The following DDHD1 variants were observed in gnomAD, a reference collection of about 807,000 sequenced individuals.
DDHD1 encodes DDHD domain containing 1.
A neutral mutation model predicts 96.4 loss-of-function variants in DDHD1; 49 were observed. The ratio of observed to expected loss-of-function variants is 0.51; its 90% confidence interval spans 0.40 to 0.64. The LOEUF (loss-of-function observed/expected upper bound fraction) is 0.64. Ranked by LOEUF, DDHD1 falls within the 30% of genes least tolerant of loss-of-function variation. The pLI, the probability that DDHD1 is intolerant of heterozygous loss-of-function variation, is 0.00. For synonymous variants in DDHD1, 442 were observed against 446.5 expected (o/e 0.99, Z 0.13); for missense variants, 1,106 against 1,161.2 (o/e 0.95, Z 0.69).
intron 1 of DDHD1, chr14:53,149,883 G>A (rs1221140024): frequency 2.0e-5 from 3 of 152,012 alleles, no homozygotes; most frequent in Non-Finnish European, 4.4e-5. Context: ...CTCAACTTTT[G>A]CATTGTCATT....
intron 2 of DDHD1, chr14:53,103,072 G>C: frequency 6.4e-7 from 1 of 1,560,804 alleles, no homozygotes; most frequent in South Asian, 1.2e-5. Flanking sequence ...TGGAACAATA[G>C]AAGTATTTTT....
intron 2 of DDHD1, among the ~76,000 whole-genome samples, chr14:53,102,460 G>C (rs1053266824): frequency 6.6e-6 from 1 of 152,120 alleles, no homozygotes; most frequent in South Asian, 2.1e-4. Flanking sequence ...AGAATTTCCA[G>C]AGTATGGTAT....
intron 6 of DDHD1, among the ~76,000 whole-genome samples, chr14:53,068,470 A>G (rs1238735058): frequency 6.6e-6 from 1 of 152,038 alleles, no homozygotes; most frequent in Non-Finnish European, 1.5e-5. Flanking sequence ...AGGCTGGTCT[A>G]GAACTCCATG....
At chr14:53,110,844 A>C (rs1361877062) in intron 1 of DDHD1, among the ~76,000 whole-genome samples, 2 of 152,124 alleles carry the variant, frequency 1.3e-5, no homozygotes, top group Non-Finnish European at 2.9e-5. Flanking sequence ...GCTTGGTGGT[A>C]ACACGCCTGT....
At chr14:53,047,012 T>A in intron 12 of DDHD1, 63 bp from the exon 13 acceptor site, 16 of 1,293,828 alleles carry the variant, frequency 1.2e-5, no homozygotes, top group Non-Finnish European at 1.6e-5. Flanking sequence ...CTATATAGAC[T>A]TACTGGAGTT....
intron 2 of DDHD1, among the ~76,000 whole-genome samples, chr14:53,102,720 A>AGAG (rs1053399326): frequency 1.3e-5 from 2 of 152,076 alleles, no homozygotes; most frequent in African/African-American, 4.8e-5. Context: ...AAGAAGAAGA[A>AGAG]AAAAATCCCC....
intron 2 of DDHD1, 130 bp from the exon 3 acceptor site, chr14:53,093,574 A>C: frequency 2.5e-6 from 3 of 1,202,730 alleles, no homozygotes; most frequent in African/African-American, 1.6e-5. Flanking sequence ...TAATTCAATA[A>C]AACACTATTT....
rs1420728386 is a variant in DDHD1, at chr14:53,072,695, C to T, written c.1405G>A (p.Asp469Asn). 6.2e-7 allele frequency: 1 copy of T among 1,603,978 alleles called. No individual in the cohort carries two copies. The highest frequency in any genetic ancestry group is 8.5e-7 in the Non-Finnish European group (1 of 1,174,150). ...SKLTLDGDTV[D>N]SITPDKVRGL... ...CGTACTTTGTCAGGAGTAATGGAATCAACAGTGTCTACAAAAACAAACAAA... is the reference window on the plus strand; with the variant it reads ...CGTACTTTGTCAGGAGTAATGGAATTAACAGTGTCTACAAAAACAAACAAA... The change falls in exon 6 of 13, where the codon GAT (aspartate) becomes AAT (asparagine). Residue 469 changes from aspartate to asparagine, a missense_variant. Asp to Asn is a conservative substitution (Grantham distance 23). This residue lies in a region of DDHD1 where 650 missense variants were observed against 758.8 expected (regional missense o/e 0.86). Transcript: ENST00000673822.
intron 1 of DDHD1, among the ~76,000 whole-genome samples, chr14:53,146,726 A>G (rs1891008510): frequency 6.6e-6 from 1 of 152,122 alleles, no homozygotes; most frequent in Admixed American, 6.5e-5. Context: ...TCTTCCTAGT[A>G]ATCTACTCAA....
rs1228410776 is a variant in DDHD1 at position 53,039,830 on chromosome 14, T to G, written c.*6938A>C. 3 of 152,198 alleles carry G rather than the reference T, an allele frequency of 2.0e-5. No individual in the cohort carries two copies. Among genetic ancestry groups the G allele is most frequent in the Non-Finnish European group, 4.4e-5 (3 of 68,050 alleles). The allele number at this position is 152,198 out of a possible 1,614,324, so 9.4% of individuals were successfully genotyped here. Reference sequence around the variant, plus strand: ...GACCTATGTGTCCCTATCCCCTTTCTCATAAACAATGCCTCTGAAATGTCT... The same window carrying G: ...GACCTATGTGTCCCTATCCCCTTTCGCATAAACAATGCCTCTGAAATGTCT... On this transcript the variant is annotated 3_prime_UTR_variant, in exon 13 of 13. Transcript: ENST00000673822.
chr14:53,121,868 A>C (rs1288968041), intron 1 of DDHD1, among the ~76,000 whole-genome samples: 1 of 151,642 alleles, frequency 6.6e-6, no homozygotes, highest in Non-Finnish European at 1.5e-5. Flanking sequence ...CCACCATGGC[A>C]CATATACACC....
In DDHD1 at chr14:53,044,453, TTAAGAATAAATCC is replaced by T. The variant is rs1881872878; in HGVS notation, c.*2302_*2314del. 6.6e-6 allele frequency: 1 copy of T among 152,196 alleles called. No homozygotes were observed. The highest frequency in any genetic ancestry group is 2.1e-4 in the South Asian group (1 of 4,826). 9.4% of individuals were successfully genotyped at this position (152,196 alleles called of 1,614,324 possible). ...AAAAGGGCTCTTCATATTCTAGTGG[TTAAGAATAAATCC>T]CTTCAAGTTCTTATGCATTTGAGTG... On this transcript the variant is annotated 3_prime_UTR_variant, in exon 13 of 13. Transcript: ENST00000673822.
intron 1 of DDHD1, among the ~76,000 whole-genome samples, chr14:53,130,528 A>G (rs572700572): frequency 6.6e-6 from 1 of 152,332 alleles, no homozygotes; most frequent in South Asian, 2.1e-4. Flanking sequence ...TTCAAAGTGT[A>G]CAATAATAGA....
intron 1 of DDHD1, among the ~76,000 whole-genome samples, chr14:53,151,875 C>T (rs140567928): frequency 6.0e-4 from 92 of 152,304 alleles, no homozygotes; most frequent in African/African-American, 2.1e-3. Context: ...GAAGACGTGC[C>T]GCTATTTAAA....
At chr14:53,099,906 A>G (rs972981182) in intron 2 of DDHD1, among the ~76,000 whole-genome samples, 1 of 152,186 alleles carries the variant, frequency 6.6e-6, no homozygotes, top group African/African-American at 2.4e-5. Flanking sequence ...TGTATGCTAC[A>G]AAGAGTTACA....
intron 2 of DDHD1, among the ~76,000 whole-genome samples, chr14:53,102,418 T>A (rs1187118424): frequency 6.6e-6 from 1 of 152,064 alleles, no homozygotes; most frequent in African/African-American, 2.4e-5. Context: ...AATAAGGACA[T>A]ATTTGATTCT....
chr14:53,053,863 C>T (rs1419802540), intron 11 of DDHD1: 1 of 151,926 alleles, frequency 6.6e-6, no homozygotes. Flanking sequence ...TTTCTAAGTC[C>T]ACCGGAGAAA....
At chr14:53,059,402 G>A (rs749105657) in intron 8 of DDHD1, among the ~76,000 whole-genome samples, 6 of 151,204 alleles carry the variant, frequency 4.0e-5, no homozygotes, top group East Asian at 2.0e-4. Context: ...CCGCCACCAC[G>A]CCCAGCTAAT....
intron 1 of DDHD1, among the ~76,000 whole-genome samples, chr14:53,115,615 T>G (rs1484313485): frequency 6.6e-6 from 1 of 152,098 alleles, no homozygotes; most frequent in Non-Finnish European, 1.5e-5. Flanking sequence ...GAATTTCATA[T>G]CCAGCCAAAC....
Sources: gnomAD v4.1 joint callset for allele counts (sites outside exome capture counted in the v4.1 genomes callset) on GRCh38, gnomAD v4.1.1 for gene constraint, gnomAD v4.1.1 regional missense constraint, MANE v1.5 for transcripts, NCBI Gene and HGNC (gene_info 2026-07-23, HGNC 2026-07-21) for gene names.